The following RAB5IF variants were observed in gnomAD, a reference collection of about 807,000 sequenced individuals.
RAB5IF encodes GEL complex subunit OPTI.
A neutral mutation model predicts 20.3 loss-of-function variants in RAB5IF; 15 were observed. The ratio of observed to expected loss-of-function variants is 0.74; its 90% CI spans 0.50 to 1.14. RAB5IF has a LOEUF of 1.14. Among genes scored for constraint, RAB5IF ranks in the 50% most tolerant of loss-of-function variants. RAB5IF has a pLI of 0.00. For missense variants in RAB5IF, 148 were observed against 159.5 expected (o/e 0.93, Z 0.39); for synonymous variants, 67 against 63.7 (o/e 1.05, Z -0.25).
chr20:36,608,108 A>G, intron 2 of RAB5IF: 1 of 508,216 alleles, frequency 2.0e-6, no homozygotes, highest in African/African-American at 2.0e-5. Flanking sequence ...CGTGGCATGC[A>G]CTCTAGTTCT....
At chr20:36,609,255 A>ACACACACACACACACACT (rs1568595802) in intron 2 of RAB5IF, among the ~76,000 whole-genome samples, 5 of 116,432 alleles carry the variant, frequency 4.3e-5, no homozygotes, top group Non-Finnish European at 7.1e-5. Flanking sequence ...ACACACACAC[A>ACACACACACACACACACT]CTATATATAG....
Position 36,609,734 on chromosome 20 carries a change from T to A in RAB5IF, c.348+4T>A, listed in dbSNP as rs1256594871. 1.2e-6 allele frequency: 2 copies of A among 1,614,184 alleles called. No individual in the cohort carries two copies. Among genetic ancestry groups the A allele is most frequent in the Admixed American group, 3.3e-5 (2 of 60,012 alleles). On this transcript the variant is annotated splice_donor_region_variant and intron_variant, in intron 3 of 3. Transcript: ENST00000344795. ...GACCTCTTTTGCCTTGTTCATGGTATGTGTAGCTGATAGTTTTACAACAGG... is the reference window on the plus strand; with the variant it reads ...GACCTCTTTTGCCTTGTTCATGGTAAGTGTAGCTGATAGTTTTACAACAGG...
At chr20:36,611,948 T>G (rs1804936939) in intron 3 of RAB5IF, 62 bp from the exon 4 acceptor site, 1 of 1,603,042 alleles carries the variant, frequency 6.2e-7, no homozygotes, top group Non-Finnish European at 8.5e-7. Flanking sequence ...GGCATTTTTG[T>G]TTTGTGGAAT....
In RAB5IF at chr20:36,605,957, C is replaced by A; in HGVS notation, c.6C>A (p.Ser2Arg). 6.7e-7 allele frequency: 1 copy of A among 1,498,950 alleles called. No homozygotes were observed. Among genetic ancestry groups the A allele is most frequent in the Non-Finnish European group, 8.9e-7 (1 of 1,120,014 alleles). 92.9% of individuals were successfully genotyped at this position (1,498,950 alleles called of 1,614,324 possible). A position where few individuals can be genotyped will look rare whatever the true frequency, so the allele number is the denominator to read the frequency against. Residue 2 changes from serine to arginine, a missense_variant, in exon 1 of 4, where the codon AGC (serine) becomes AGA (arginine). Ser to Arg is a moderately radical substitution (Grantham distance 110). Transcript: ENST00000344795. ...CCGGGCGGCGCGACGGGAGGATGAG[C>A]GGCGGGCGGCGGAAGGAGGAGCCGC... Reference protein sequence around the residue: MSGGRRKEEPPQ... With the variant: MRGGRRKEEPPQ...
At chr20:36,608,775 G>A (rs989064611) in intron 2 of RAB5IF, among the ~76,000 whole-genome samples, 12 of 151,858 alleles carry the variant, frequency 7.9e-5, no homozygotes, top group African/African-American at 2.7e-4. Flanking sequence ...ATGTTGGCCA[G>A]GTTGGTCTTG....
intron 2 of RAB5IF, among the ~76,000 whole-genome samples, chr20:36,609,125 T>C (rs913483950): frequency 6.7e-6 from 1 of 149,320 alleles, no homozygotes; most frequent in Non-Finnish European, 1.5e-5. Context: ...TCAGCCATTC[T>C]GTTACTTCAA....
At chr20:36,609,255 A>ACACACACACACACACACAC (rs1568595802) in intron 2 of RAB5IF, among the ~76,000 whole-genome samples, 1 of 116,434 alleles carries the variant, frequency 8.6e-6, no homozygotes, top group Non-Finnish European at 1.8e-5. Context: ...ACACACACAC[A>ACACACACACACACACACAC]CTATATATAG....
At position 36,607,917 on chromosome 20, in the gene RAB5IF, G is replaced by C. The variant is rs1181149593; in HGVS notation, c.218+99G>C. ...AAGGCCATTGCTGCTCTGGAGCTGT[G>C]TGTGTGTGTGATGACTAAAGCAAAG... On this transcript the variant is annotated intron_variant, in intron 2 of 3. Coordinates refer to ENST00000344795, the MANE Select transcript of RAB5IF (RefSeq NM_018840.5). The C allele has an allele frequency of 2.6e-6, 4 of 1,556,028 alleles. No individual in the cohort carries two copies. The East Asian group carries it at 9.5e-5, about 37-fold the overall frequency.
intron 3 of RAB5IF, among the ~76,000 whole-genome samples, chr20:36,611,493 CAAAAAAAAAAAA>C (rs60975859): frequency 4.3e-5 from 2 of 46,522 alleles, no homozygotes; most frequent in African/African-American, 6.9e-5. Flanking sequence ...CAGCAGGACT[CAAAAAAAAAAAA>C]AAAAAAAAAA....
rs1376575371 is a variant in RAB5IF, at chr20:36,612,493, C to CTAAT, written c.*443_*446dup. The CTAAT allele has an allele frequency of 6.1e-6, 3 of 490,534 alleles. No individual in the cohort carries two copies. Among genetic ancestry groups the CTAAT allele is most frequent in the Non-Finnish European group, 7.4e-6 (2 of 269,914 alleles). The allele number at this position is 490,534 out of a possible 1,614,324, so 30.4% of individuals were successfully genotyped here. A position where few individuals can be genotyped will look rare whatever the true frequency, so the allele number is the denominator to read the frequency against. On this transcript the variant is annotated 3_prime_UTR_variant, in exon 4 of 4. Coordinates refer to ENST00000344795, the MANE Select transcript of RAB5IF (RefSeq NM_018840.5). The stretch of plus-strand genomic sequence containing the variant: ...GTCCATAGCACAGTACATGCAGCAT[C>CTAAT]TAATAAGAGTTTCCATTGTAGAATG...
At chr20:36,609,957 C>T (rs188463657) in intron 3 of RAB5IF, among the ~76,000 whole-genome samples, 60 of 152,296 alleles carry the variant, frequency 3.9e-4, no homozygotes, top group African/African-American at 4.8e-5. Context: ...TCGTCAGCTT[C>T]TACATCTGAT....
At chr20:36,609,255 A>ACACT (rs1568595802) in intron 2 of RAB5IF, among the ~76,000 whole-genome samples, 12 of 116,528 alleles carry the variant, frequency 1.0e-4, no homozygotes, top group East Asian at 4.6e-4. Context: ...ACACACACAC[A>ACACT]CTATATATAG....
intron 2 of RAB5IF, among the ~76,000 whole-genome samples, chr20:36,609,156 T>TACATACATATACACAC: frequency 2.9e-4 from 5 of 17,052 alleles, no homozygotes; most frequent in African/African-American, 1.2e-3. Context: ...AGAACTATAT[T>TACATACATATACACAC]ACACACACAC....
At position 36,612,465 on chromosome 20, in the gene RAB5IF, G is replaced by A. The variant is rs1232710485; in HGVS notation, c.*414G>A. 3 of 564,412 alleles carry A rather than the reference G, an allele frequency of 5.3e-6. No homozygotes were observed. In the Admixed American group the frequency reaches 9.1e-5, roughly 17 times the overall value. The allele number at this position is 564,412 out of a possible 1,614,324, so 35.0% of individuals were successfully genotyped here. A position where few individuals can be genotyped will look rare whatever the true frequency, so the allele number is the denominator to read the frequency against. On this transcript the variant is annotated 3_prime_UTR_variant, in exon 4 of 4. Transcript: ENST00000344795. ...TCTGAAACAGCATGGCTGTATGTGC[G>A]TGGTCCATAGCACAGTACATGCAGC... is the stretch of plus-strand genomic sequence containing the variant.
intron 1 of RAB5IF, among the ~76,000 whole-genome samples, chr20:36,606,636 T>G (rs2038941066): frequency 6.6e-6 from 1 of 152,134 alleles, no homozygotes; most frequent in African/African-American, 2.4e-5. Context: ...TTGATAAGCA[T>G]GAGTCAAGAG....
intron 2 of RAB5IF, among the ~76,000 whole-genome samples, chr20:36,609,158 C>T (rs1222724305): frequency 1.0e-4 from 1 of 9,630 alleles, no homozygotes; most frequent in Non-Finnish European, 1.9e-4. Context: ...AACTATATTA[C>T]ACACACACAC....
chr20:36,609,191 A>ACG (rs2039024198), intron 2 of RAB5IF, among the ~76,000 whole-genome samples: 1 of 52,688 alleles, frequency 1.9e-5, no homozygotes, highest in Non-Finnish European at 3.6e-5. Flanking sequence ...ACACACACAC[A>ACG]CACGCACACA....
intron 2 of RAB5IF, 66 bp from the exon 3 acceptor site, chr20:36,609,535 C>T (rs559711554): frequency 2.3e-5 from 35 of 1,517,320 alleles, no homozygotes; most frequent in Middle Eastern, 3.6e-4. Flanking sequence ...CCACCACACC[C>T]GGCCCCGAGT....
At chr20:36,609,207 A>ACACG (rs1473373038) in intron 2 of RAB5IF, among the ~76,000 whole-genome samples, 1 of 65,848 alleles carries the variant, frequency 1.5e-5, no homozygotes, top group Non-Finnish European at 2.9e-5. Context: ...ACACACGCAC[A>ACACG]CACGCACACA....
Sources: gnomAD v4.1 joint callset for allele counts (sites outside exome capture counted in the v4.1 genomes callset) on GRCh38, gnomAD v4.1.1 for gene constraint, MANE v1.5 for transcripts, NCBI Gene and HGNC (gene_info 2026-07-23, HGNC 2026-07-21) for gene names.